UGT1A8: variants seen among roughly 807,000 people sequenced by gnomAD.
UGT1A8 encodes UDP-glucuronosyltransferase 1A8.
A neutral mutation model predicts 45.3 loss-of-function variants in UGT1A8; 39 were observed. The observed-to-expected ratio is 0.86, with a 90% confidence interval of 0.67 to 1.12. The LOEUF is 1.12. Ranked by LOEUF, UGT1A8 falls within the 50% of genes most tolerant of loss-of-function variation. UGT1A8 has a pLI of 0.00. For synonymous variants in UGT1A8, 275 were observed against 249.2 expected (o/e 1.10, Z -0.97); for missense variants, 719 against 664.9 (o/e 1.08, Z -0.90).
chr2:233,725,828 G>A (rs372072402), intron 1 of UGT1A8, among the ~76,000 whole-genome samples: 8 of 152,124 alleles, frequency 5.3e-5, no homozygotes, highest in Middle Eastern at 3.4e-3. Flanking sequence ...TACCAGTATT[G>A]CTACTCCTAT....
chr2:233,672,311 GT>G, intron 1 of UGT1A8: 2 of 1,614,048 alleles, frequency 1.2e-6, no homozygotes, highest in East Asian at 4.5e-5. Flanking sequence ...AATTGCAGGA[GT>G]TTGTTTAAAG....
chr2:233,761,198 T>G (rs1477470305), intron 1 of UGT1A8: 1 of 1,614,016 alleles, frequency 6.2e-7, no homozygotes, highest in African/African-American at 1.3e-5. Context: ...CTTTCAGATG[T>G]ATTACTTTGG....
chr2:233,689,458 A>T (rs933476239), intron 1 of UGT1A8, among the ~76,000 whole-genome samples: 2 of 152,272 alleles, frequency 1.3e-5, no homozygotes, highest in Non-Finnish European at 2.9e-5. Flanking sequence ...GATACATTTT[A>T]GGAAAACAGA....
intron 2 of UGT1A8, 25 bp downstream of exon 2, chr2:233,767,190 T>G: frequency 6.2e-7 from 1 of 1,613,838 alleles, no homozygotes; most frequent in Non-Finnish European, 8.5e-7. Flanking sequence ...TACCATGGCC[T>G]CATATCTATT....
chr2:233,627,167 T>C (rs1406486584), intron 1 of UGT1A8, among the ~76,000 whole-genome samples: 2 of 152,056 alleles, frequency 1.3e-5, no homozygotes, highest in African/African-American at 4.8e-5. Flanking sequence ...TTTTGTGTCA[T>C]CTTGTTTTTG....
intron 1 of UGT1A8, among the ~76,000 whole-genome samples, chr2:233,680,922 C>T (rs1164183970): frequency 2.0e-5 from 3 of 151,956 alleles, no homozygotes; most frequent in African/African-American, 7.2e-5. Context: ...TGAGGAAAGC[C>T]ATTTAAAATA....
At chr2:233,744,050 T>G in intron 1 of UGT1A8, 1 of 675,568 alleles carries the variant, frequency 1.5e-6, no homozygotes, top group Non-Finnish European at 2.1e-6. Flanking sequence ...CCACATCTCA[T>G]TGGTCGAGGC....
chr2:233,768,384 GA>G lies in UGT1A8; in HGVS notation c.1243del (p.Met415Ter). 1.9e-6 allele frequency: 3 copies of G among 1,614,136 alleles called. No homozygotes were observed. The highest frequency in any genetic ancestry group is 2.5e-6 in the Non-Finnish European group (3 of 1,180,028). ...AGCTGGAGTGACCCTGAATGTTCTG[GA>G]AATGACTTCTGAAGATTTAGAAAAT... ...KGAGVTLNVLEMTSEDLENAL... is the reference protein window; with the variant it reads ...KGAGVTLNVLXMTSEDLENAL... On this transcript the variant is annotated frameshift_variant, in exon 4 of 5. Transcript: ENST00000373450. LOFTEE classifies it high-confidence loss of function.
intron 1 of UGT1A8, chr2:233,729,114 G>A: frequency 6.2e-7 from 1 of 1,612,948 alleles, no homozygotes. Context: ...AGCTGTCCGT[G>A]TCTTCTGCTG....
intron 1 of UGT1A8, among the ~76,000 whole-genome samples, chr2:233,720,871 A>ATTTTTTT (rs60621337): frequency 2.3e-5 from 3 of 132,772 alleles, no homozygotes; most frequent in Admixed American, 7.5e-5. Context: ...GCTCCTGGCA[A>ATTTTTTT]TTTTTTTTTT....
At chr2:233,663,483 G>C (rs2074014344) in intron 1 of UGT1A8, among the ~76,000 whole-genome samples, 1 of 152,068 alleles carries the variant, frequency 6.6e-6, no homozygotes, top group African/African-American at 2.4e-5. Context: ...TGATCTGGGT[G>C]GTGCCAGCTG....
chr2:233,707,392 C>G (rs985802582), intron 1 of UGT1A8, among the ~76,000 whole-genome samples: 5 of 152,036 alleles, frequency 3.3e-5, no homozygotes, highest in Non-Finnish European at 7.4e-5. Context: ...ATGAGCTATT[C>G]TTTTTGATGT....
intron 1 of UGT1A8, among the ~76,000 whole-genome samples, chr2:233,703,677 A>T (rs2075747505): frequency 6.6e-6 from 1 of 151,838 alleles, no homozygotes; most frequent in Admixed American, 6.6e-5. Flanking sequence ...TTCATGATAT[A>T]TTTTTTTTCC....
At chr2:233,722,752 T>C (rs982640918) in intron 1 of UGT1A8, among the ~76,000 whole-genome samples, 1 of 152,282 alleles carries the variant, frequency 6.6e-6, no homozygotes, top group Admixed American at 6.5e-5. Flanking sequence ...TGACTGTCTA[T>C]AAGGCTGTTA....
At chr2:233,744,603 G>A (rs894598694) in intron 1 of UGT1A8, among the ~76,000 whole-genome samples, 6 of 151,902 alleles carry the variant, frequency 3.9e-5, no homozygotes, top group African/African-American at 9.7e-5. Context: ...TCTCTCTTTA[G>A]TACTTGGCTC....
intron 1 of UGT1A8, among the ~76,000 whole-genome samples, chr2:233,703,596 T>C (rs2075744943): frequency 6.6e-6 from 1 of 152,180 alleles, no homozygotes. Flanking sequence ...TGCTTCATGA[T>C]ACTGTGTCAT....
At position 233,765,423 on chromosome 2, in the gene UGT1A8, G is replaced by A. The variant is rs181881481; in HGVS notation, c.856-1611G>A. Among the ~76,000 whole-genome samples, 139 of 152,286 alleles carry A rather than the reference G, an allele frequency of 9.1e-4. 2 individuals carry two copies. Among genetic ancestry groups the A allele is most frequent in the Non-Finnish European group, 1.8e-3 (124 of 68,036 alleles). On this transcript the variant is annotated intron_variant, in intron 1 of 4. Coordinates refer to ENST00000373450, the MANE Select transcript of UGT1A8 (RefSeq NM_019076.5). ...CATATACACCATGGAATACTATGCA[G>A]CCATAACAAGGAATGAGATCATATT...
intron 1 of UGT1A8, among the ~76,000 whole-genome samples, chr2:233,631,634 T>C (rs915683143): frequency 3.3e-5 from 5 of 152,346 alleles, no homozygotes; most frequent in Non-Finnish European, 7.3e-5. Context: ...TATAAATGTC[T>C]TCTTTTGTGA....
At chr2:233,658,770 A>T (rs2073906635) in intron 1 of UGT1A8, among the ~76,000 whole-genome samples, 1 of 152,106 alleles carries the variant, frequency 6.6e-6, no homozygotes, top group African/African-American at 2.4e-5. Context: ...TTTTGTAAAA[A>T]CTTGGTTGTT....
Sources: gnomAD v4.1 joint callset for allele counts (sites outside exome capture counted in the v4.1 genomes callset) on GRCh38, gnomAD v4.1.1 for gene constraint, MANE v1.5 for transcripts, NCBI Gene and HGNC (gene_info 2026-07-23, HGNC 2026-07-21) for gene names.